ACTR3C: variants seen among roughly 807,000 people sequenced by gnomAD.
The protein encoded by ACTR3C is actin-related protein 3C.
Under a neutral mutation model 26.3 loss-of-function variants are expected in ACTR3C, and 18 were observed. The observed-to-expected ratio is 0.68, with a 90% CI of 0.47 to 1.01. The LOEUF is 1.01. Ranked by LOEUF, ACTR3C falls within the 50% of genes least tolerant of loss-of-function variation. ACTR3C has a pLI of 0.00. For missense variants in ACTR3C, 184 were observed against 250.7 expected (o/e 0.73, Z 1.80); for synonymous variants, 55 against 94.5 (o/e 0.58, Z 2.42).
At chr7:150,083,115 T>A in the ACTR3C span, among the ~76,000 whole-genome samples, 1 of 150,818 alleles carries the variant, frequency 6.6e-6, no homozygotes, top group South Asian at 2.1e-4. Flanking sequence ...CCAACTAAGT[T>A]TTTGAATTTT....
the ACTR3C span, among the ~76,000 whole-genome samples, chr7:150,177,473 T>C: frequency 2.0e-5 from 3 of 150,848 alleles, no homozygotes; most frequent in Non-Finnish European, 4.4e-5. Flanking sequence ...CCTCATTCCA[T>C]GTCATAACAA....
At chr7:149,947,631 G>T in the ACTR3C span, among the ~76,000 whole-genome samples, 8,911 of 99,742 alleles carry the variant, frequency 0.089, 467 homozygotes, top group Middle Eastern at 0.13. Context: ...GCAGCCTCTG[G>T]GGCGTGGGGC....
chr7:150,226,583 C>T, the ACTR3C span, among the ~76,000 whole-genome samples: 6 of 152,076 alleles, frequency 3.9e-5, no homozygotes, highest in African/African-American at 4.8e-5. Context: ...GCTACAGGCA[C>T]GCACCACCAC....
chr7:150,111,491 C>T, the ACTR3C span, among the ~76,000 whole-genome samples: 1 of 90,320 alleles, frequency 1.1e-5, no homozygotes, highest in Non-Finnish European at 2.2e-5. Flanking sequence ...CACTCACTCA[C>T]ACAAATCTTA....
chr7:150,048,544 G>A, the ACTR3C span, among the ~76,000 whole-genome samples: 4 of 145,404 alleles, frequency 2.8e-5, no homozygotes, highest in East Asian at 3.9e-4. Context: ...GTAGTGCTGC[G>A]CGTGCCCCGC....
chr7:149,892,029 G>T, the ACTR3C span, among the ~76,000 whole-genome samples: 2 of 135,498 alleles, frequency 1.5e-5, no homozygotes, highest in East Asian at 4.5e-4. Flanking sequence ...TTGCTTTCAT[G>T]TGTGACCTGG....
the ACTR3C span, among the ~76,000 whole-genome samples, chr7:150,075,906 C>A: frequency 3.3e-5 from 5 of 152,122 alleles, no homozygotes; most frequent in African/African-American, 1.2e-4. Flanking sequence ...GGGAGACGAG[C>A]CCCTCTGCTC....
At chr7:150,083,099 C>T in the ACTR3C span, among the ~76,000 whole-genome samples, 1 of 151,050 alleles carries the variant, frequency 6.6e-6, no homozygotes, top group Non-Finnish European at 1.5e-5. Flanking sequence ...GCACATACCA[C>T]CATGCCCAAC....
the ACTR3C span, among the ~76,000 whole-genome samples, chr7:150,042,149 CAGGGGCTGGCTCTCAGT>C: frequency 3.9e-3 from 83 of 21,408 alleles, 1 homozygote; most frequent in African/African-American, 0.026. Context: ...GTGGGGGAAC[CAGGGGCTGGCTCTCAGT>C]CCCTGCCTCG....
the ACTR3C span, among the ~76,000 whole-genome samples, chr7:150,147,545 C>A: frequency 6.6e-6 from 1 of 152,148 alleles, no homozygotes; most frequent in Non-Finnish European, 1.5e-5. Flanking sequence ...CTCTCTCTTT[C>A]ATCCATCCTC....
chr7:149,975,197 G>A, the ACTR3C span, among the ~76,000 whole-genome samples: 4 of 152,186 alleles, frequency 2.6e-5, no homozygotes, highest in Non-Finnish European at 5.9e-5. Context: ...CACACAAAGT[G>A]TCTTTTCTGA....
chr7:150,234,417 C>T, the ACTR3C span, among the ~76,000 whole-genome samples: 1 of 152,168 alleles, frequency 6.6e-6, no homozygotes, highest in Admixed American at 6.5e-5. Context: ...TTCACAATAA[C>T]TTCTCTTCCA....
downstream of ACTR3C, among the ~76,000 whole-genome samples, chr7:150,241,340 C>T (rs1166700183): frequency 6.6e-6 from 1 of 152,014 alleles, no homozygotes; most frequent in Non-Finnish European, 1.5e-5. Context: ...ACACATATAT[C>T]ATCAACTCAT....
At chr7:150,152,321 C>T in the ACTR3C span, among the ~76,000 whole-genome samples, 2 of 151,962 alleles carry the variant, frequency 1.3e-5, no homozygotes, top group African/African-American at 4.8e-5. Context: ...CCCATCAATA[C>T]CTAATTTATT....
chr7:149,973,700 T>C, the ACTR3C span, among the ~76,000 whole-genome samples: 2 of 151,906 alleles, frequency 1.3e-5, no homozygotes, highest in East Asian at 1.9e-4. Context: ...TATTCTTTAT[T>C]ACGGTTTGTT....
the ACTR3C span, among the ~76,000 whole-genome samples, chr7:150,022,535 T>C: frequency 6.6e-6 from 1 of 152,014 alleles, no homozygotes; most frequent in African/African-American, 2.4e-5. Context: ...CTCCCTGCCC[T>C]GGTTCTTGAC....
the ACTR3C span, chr7:150,045,212 TG>T: frequency 2.6e-5 from 4 of 152,250 alleles, no homozygotes; most frequent in African/African-American, 9.6e-5. Flanking sequence ...TTTTTGTTTT[TG>T]TTTTTCAATA....
the ACTR3C span, among the ~76,000 whole-genome samples, chr7:150,180,260 G>C: frequency 3.3e-5 from 5 of 149,646 alleles, no homozygotes; most frequent in South Asian, 2.1e-4. Context: ...AGCCGAGATC[G>C]CGCCACTGCA....
chr7:150,071,103 T>G, the ACTR3C span, among the ~76,000 whole-genome samples: 1 of 148,596 alleles, frequency 6.7e-6, no homozygotes, highest in Non-Finnish European at 1.5e-5. Flanking sequence ...ACAAAATTGC[T>G]AATTTTTGAC....
Sources: gnomAD v4.1 joint callset for allele counts (sites outside exome capture counted in the v4.1 genomes callset) on GRCh38, gnomAD v4.1.1 for gene constraint, MANE v1.5 for transcripts, NCBI Gene and HGNC (gene_info 2026-07-23, HGNC 2026-07-21) for gene names.